TRAF3IP2: variants seen among roughly 807,000 people sequenced by gnomAD.
TRAF3IP2 encodes the protein TRAF3 interacting protein 2, also known as E3 ubiquitin ligase TRAF3IP2.
A neutral mutation model predicts 57.9 loss-of-function variants in TRAF3IP2; 35 were observed. The ratio of observed to expected loss-of-function variants is 0.60; its 90% CI spans 0.46 to 0.80. The LOEUF is 0.80. Among genes scored for constraint, TRAF3IP2 ranks in the 30% least tolerant of loss-of-function variants. The pLI is 0.00. For synonymous variants in TRAF3IP2, 251 were observed against 268.9 expected (o/e 0.93, Z 0.65); for missense variants, 556 against 706.4 (o/e 0.79, Z 2.41).
rs535517790 is a variant in TRAF3IP2 at position 111,575,931 on chromosome 6, T to G, written c.1023-110A>C. The G allele has an allele frequency of 3.1e-4, 313 of 1,006,810 alleles. 1 individual carries two copies. In the African/African-American group the frequency reaches 4.9e-3, roughly 16 times the overall value. The allele number at this position is 1,006,810 out of a possible 1,614,324, so 62.4% of individuals were successfully genotyped here. On this transcript the variant is annotated intron_variant, in intron 3 of 8. Transcript: ENST00000368761. ...AGATCCCAGTGGGCTCTCTCTCCTC[T>G]GCCTCTATTTCTTAACTGAGACAGA...
rs1456391791 is a variant in TRAF3IP2 at position 111,591,314 on chromosome 6, T to C, written c.773A>G (p.His258Arg). The change falls in exon 2 of 9, where the codon CAT becomes CGT. Residue 258 changes from histidine (H) to arginine (R), a missense_variant. This residue lies in a region of TRAF3IP2 where 428 missense variants were observed against 498.7 expected (regional missense o/e 0.86). Coordinates refer to ENST00000368761, the MANE Select transcript of TRAF3IP2 (RefSeq NM_147686.4). The surrounding 1 kb of genome is among the most constrained non-coding windows in gnomAD (Gnocchi z 4.9). ...AQMLPPNLSP[H>R]APWNYHYHCP... ...ATGGTAATGATAGTTCCATGGAGCA[T>C]GTGGGGAAAGATTGGGAGGCAGCAT... The C allele has an allele frequency of 1.3e-6, 2 of 1,515,102 alleles. No homozygotes were observed. The highest frequency in any genetic ancestry group is 2.3e-5 in the East Asian group (1 of 44,036). The allele number at this position is 1,515,102 out of a possible 1,614,324, so 93.9% of individuals were successfully genotyped here.
Position 111,567,712 on chromosome 6 carries a change from G to T in TRAF3IP2, c.1291-20C>A. 8 of 1,596,082 alleles carry T rather than the reference G, an allele frequency of 5.0e-6. No individual in the cohort carries two copies. The highest frequency in any genetic ancestry group is 6.8e-6 in the Non-Finnish European group (8 of 1,172,524). The stretch of plus-strand genomic sequence containing the variant: ...GTCAATCTGCAAAAAAAAAGATGTG[G>T]GAGTTGGCCCTTAATGAGAGGTTCT... On this transcript the variant is annotated intron_variant, in intron 5 of 8. Coordinates refer to ENST00000368761, the MANE Select transcript of TRAF3IP2 (RefSeq NM_147686.4).
chr6:111,567,544 G>A (rs1795692206), intron 6 of TRAF3IP2, 80 bp downstream of exon 6: 7 of 1,473,032 alleles, frequency 4.8e-6, no homozygotes, highest in Admixed American at 2.1e-5. Flanking sequence ...GGTATGCCAG[G>A]GTTTCTTTAA....
chr6:111,569,318 T>C (rs1795752423), intron 5 of TRAF3IP2, among the ~76,000 whole-genome samples: 1 of 152,222 alleles, frequency 6.6e-6, no homozygotes. Context: ...TTTGGAAATG[T>C]TACTAAAACT....
At chr6:111,594,936 T>A (rs977876556) in intron 1 of TRAF3IP2, among the ~76,000 whole-genome samples, 1 of 151,764 alleles carries the variant, frequency 6.6e-6, no homozygotes, top group Non-Finnish European at 1.5e-5. Context: ...AATAATTTTT[T>A]AAAAAACTGG....
chr6:111,587,110 A>G (rs1220790126), intron 2 of TRAF3IP2: 1 of 152,192 alleles, frequency 6.6e-6, no homozygotes, highest in Non-Finnish European at 1.5e-5. Flanking sequence ...GTTAGATGGG[A>G]GCCAGGGCCA....
At chr6:111,566,365 TG>T in intron 7 of TRAF3IP2, 78 bp downstream of exon 7, 1 of 1,143,644 alleles carries the variant, frequency 8.7e-7, no homozygotes, top group Non-Finnish European at 1.3e-6. Context: ...AGCTGGTCTC[TG>T]GGGAAGAATG....
chr6:111,561,921 G>A (rs919836624), intron 8 of TRAF3IP2, among the ~76,000 whole-genome samples: 1 of 152,212 alleles, frequency 6.6e-6, no homozygotes, highest in Non-Finnish European at 1.5e-5. Flanking sequence ...GCGCAGGGAG[G>A]ATAGAAAGGT....
Position 111,559,328 on chromosome 6 carries a change from G to T in TRAF3IP2, c.*77C>A. On this transcript the variant is annotated 3_prime_UTR_variant, in exon 9 of 9. Coordinates refer to ENST00000368761, the MANE Select transcript of TRAF3IP2 (RefSeq NM_147686.4). ...AAAAAAACCAGCCAGGAGTGCTACCGACCAGCCTCAGCCAGAATGCTGTCA... is the reference window on the plus strand; with the variant it reads ...AAAAAAACCAGCCAGGAGTGCTACCTACCAGCCTCAGCCAGAATGCTGTCA... The T allele has an allele frequency of 1.9e-6, 3 of 1,547,392 alleles. No homozygotes were observed. The highest frequency in any genetic ancestry group is 2.5e-5 in the South Asian group (2 of 80,942).
At chr6:111,603,698 C>G (rs2128386931) in intron 1 of TRAF3IP2, among the ~76,000 whole-genome samples, 1 of 152,196 alleles carries the variant, frequency 6.6e-6, no homozygotes, top group East Asian at 1.9e-4. Flanking sequence ...AAGTCACTAA[C>G]TCCTTAATCC....
chr6:111,597,918 G>A lies in TRAF3IP2; in HGVS notation c.-8-5824C>T, dbSNP rs1055552. 2,579 of 455,934 alleles carry A rather than the reference G, an allele frequency of 5.7e-3. 55 individuals carry two copies. Among genetic ancestry groups the A allele is most frequent in the African/African-American group, 0.047 (2,340 of 50,160 alleles). 28.2% of individuals were successfully genotyped at this position (455,934 alleles called of 1,614,324 possible). A position where few individuals can be genotyped will look rare whatever the true frequency, so the allele number is the denominator to read the frequency against. On this transcript the variant is annotated intron_variant, in intron 1 of 8. Transcript: ENST00000368761. The stretch of plus-strand genomic sequence containing the variant: ...ACCAGAGGGCGGTGCCTGGATTGAA[G>A]TGGAAAAGCCCTGTTTTCCAGCCAT...
chr6:111,567,593 A>G, intron 6 of TRAF3IP2, 31 bp downstream of exon 6: 1 of 1,586,850 alleles, frequency 6.3e-7, no homozygotes, highest in Non-Finnish European at 8.6e-7. Flanking sequence ...TCTCACCAGA[A>G]AACAAACTCT....
chr6:111,600,196 C>T (rs1796823563), intron 1 of TRAF3IP2: 1 of 152,208 alleles, frequency 6.6e-6, no homozygotes, highest in South Asian at 2.1e-4. Flanking sequence ...ACGACAACTG[C>T]AGTTATTATC....
At chr6:111,595,657 G>A (rs944553065) in intron 1 of TRAF3IP2, among the ~76,000 whole-genome samples, 8 of 152,036 alleles carry the variant, frequency 5.3e-5, no homozygotes, top group Non-Finnish European at 5.9e-5. Flanking sequence ...GTGAAACCCC[G>A]CCTCTACTAA....
chr6:111,593,163 C>T (rs567435895), intron 1 of TRAF3IP2, among the ~76,000 whole-genome samples: 2 of 152,224 alleles, frequency 1.3e-5, no homozygotes, highest in African/African-American at 4.8e-5. Context: ...GAGCAGGTGT[C>T]GTAAAAGAGC....
intron 2 of TRAF3IP2, among the ~76,000 whole-genome samples, chr6:111,590,539 T>C (rs1796475357): frequency 6.6e-6 from 1 of 152,152 alleles, no homozygotes; most frequent in Non-Finnish European, 1.5e-5. Flanking sequence ...ATATTAGATC[T>C]CGATAAAGCA....
Position 111,558,779 on chromosome 6 carries a change from A to G in TRAF3IP2, c.*626T>C, listed in dbSNP as rs1380387894. 6 of 148,402 alleles carry G rather than the reference A, an allele frequency of 4.0e-5. No individual in the cohort carries two copies. Among genetic ancestry groups the G allele is most frequent in the Non-Finnish European group, 7.4e-5 (5 of 67,920 alleles). The allele number at this position is 148,402 out of a possible 1,614,324, so 9.2% of individuals were successfully genotyped here. ...AATAAAGCTTCCATGATTATGGTTA[A>G]AAAGGGTTGTTTAACTAGCTGGCTT... On this transcript the variant is annotated 3_prime_UTR_variant, in exon 9 of 9. Transcript: ENST00000368761.
intron 2 of TRAF3IP2, among the ~76,000 whole-genome samples, chr6:111,581,108 A>T (rs920425361): frequency 3.9e-5 from 6 of 152,246 alleles, no homozygotes; most frequent in Non-Finnish European, 8.8e-5. Flanking sequence ...CAGGACCAGG[A>T]GCAGGAGGGT....
chr6:111,573,071 C>T, intron 4 of TRAF3IP2, 88 bp from the exon 5 acceptor site: 1 of 1,063,462 alleles, frequency 9.4e-7, no homozygotes, highest in Non-Finnish European at 1.4e-6. Flanking sequence ...ATCTTTTGTC[C>T]TTCTAGAATA....
Sources: gnomAD v4.1 joint callset for allele counts (sites outside exome capture counted in the v4.1 genomes callset) on GRCh38, gnomAD v4.1.1 for gene constraint, gnomAD v4.1.1 regional missense constraint, Gnocchi (gnomAD v3.1) non-coding constraint, MANE v1.5 for transcripts, NCBI Gene and HGNC (gene_info 2026-07-23, HGNC 2026-07-21) for gene names.